RBFOX3: variants seen among roughly 807,000 people sequenced by gnomAD.
The protein encoded by RBFOX3 is RNA binding protein fox-1 homolog 3.
A neutral mutation model predicts 48.7 loss-of-function variants in RBFOX3; 17 were observed. The ratio of observed to expected loss-of-function variants is 0.35; its 90% CI spans 0.24 to 0.52. RBFOX3 has a LOEUF of 0.52. Among genes scored for constraint, RBFOX3 ranks in the 20% least tolerant of loss-of-function variants. RBFOX3 has a pLI of 0.94. For missense variants in RBFOX3, 382 were observed against 497.5 expected (o/e 0.77, Z 2.21); for synonymous variants, 212 against 209.5 (o/e 1.01, Z -0.10).
chr17:79,358,183 A>G lies in RBFOX3; in HGVS notation c.-174-50359T>C, dbSNP rs550377436. On this transcript the variant is annotated intron_variant, in intron 2 of 14. Transcript: ENST00000693108. ...CTGGTCTCAAACACCTGGATTCAAGAGATCCTCCTGCCTTGGCCTCCCAAA... is the reference window on the plus strand; with the variant it reads ...CTGGTCTCAAACACCTGGATTCAAGGGATCCTCCTGCCTTGGCCTCCCAAA... Among the ~76,000 whole-genome samples the G allele has an allele frequency of 1.1e-4, 17 of 152,130 alleles. No individual in the cohort carries two copies. The South Asian group carries it at 2.3e-3, about 20-fold the overall frequency.
chr17:79,341,130 C>G (rs945764815), intron 2 of RBFOX3, among the ~76,000 whole-genome samples: 1 of 152,154 alleles, frequency 6.6e-6, no homozygotes, highest in Admixed American at 6.5e-5. Flanking sequence ...GACATGCACA[C>G]GGGAAGGCAG....
At chr17:79,485,740 G>C (rs35807761) in intron 1 of RBFOX3, among the ~76,000 whole-genome samples, 1 of 152,106 alleles carries the variant, frequency 6.6e-6, no homozygotes, top group Non-Finnish European at 1.5e-5. Context: ...CGCCGAGTCC[G>C]GAGGGCAGGG....
intron 4 of RBFOX3, among the ~76,000 whole-genome samples, chr17:79,192,617 T>C (rs2054740382): frequency 6.6e-6 from 1 of 152,126 alleles, no homozygotes; most frequent in African/African-American, 2.4e-5. Flanking sequence ...TGTCCATGGC[T>C]GAAACCCTCC....
chr17:79,512,729 G>A (rs1271459826), intron 1 of RBFOX3, among the ~76,000 whole-genome samples: 12 of 95,230 alleles, frequency 1.3e-4, no homozygotes, highest in African/African-American at 2.8e-4. Flanking sequence ...ACCCGGATAC[G>A]TGTTACCATC....
rs2061467036 is a variant in RBFOX3, at chr17:79,392,337, G to A, written c.-174-84513C>T. Among the ~76,000 whole-genome samples, 2 of 152,226 alleles carry A rather than the reference G, an allele frequency of 1.3e-5. No homozygotes were observed. The highest frequency in any genetic ancestry group is 1.3e-4 in the Admixed American group (2 of 15,288). ...TCCAGCCCTGCCACTTACTAGCTGT[G>A]TGATCCTGGGCACGTGATTTCACCG... On this transcript the variant is annotated intron_variant, in intron 2 of 14. Coordinates refer to ENST00000693108, the MANE Select transcript of RBFOX3 (RefSeq NM_001350451.2). The surrounding 1 kb of genome is among the most constrained non-coding windows in gnomAD (Gnocchi z 5.0).
rs1723271197 is a variant in RBFOX3 at position 79,482,416 on chromosome 17, C to T, written c.-175+38G>A. 1 of 152,172 alleles carries T rather than the reference C, an allele frequency of 6.6e-6. No homozygotes were observed. Among genetic ancestry groups the T allele is most frequent in the African/African-American group, 2.4e-5 (1 of 41,410 alleles). The allele number at this position is 152,172 out of a possible 1,614,324, so 9.4% of individuals were successfully genotyped here. Reference sequence around the variant, plus strand: ...CGTATTTCCTCCACAAATGCAAACTCTGGGGATGGGCATGGCGGACAGGTG... The same window carrying T: ...CGTATTTCCTCCACAAATGCAAACTTTGGGGATGGGCATGGCGGACAGGTG... On this transcript the variant is annotated intron_variant, in intron 2 of 14. Coordinates refer to ENST00000693108, the MANE Select transcript of RBFOX3 (RefSeq NM_001350451.2). This position sits in a 1 kb window ranked among gnomAD's most constrained non-coding sequence, Gnocchi z 4.1.
At chr17:79,551,481 G>A (rs1373470073) in intron 1 of RBFOX3, among the ~76,000 whole-genome samples, 3 of 146,650 alleles carry the variant, frequency 2.0e-5, no homozygotes, top group Non-Finnish European at 4.5e-5. Context: ...AAAGATGGGT[G>A]GATGGACGGG....
the RBFOX3 span, among the ~76,000 whole-genome samples, chr17:79,655,134 T>C: frequency 6.6e-6 from 1 of 152,156 alleles, no homozygotes. Context: ...GTCAGTCCAC[T>C]CTGCTGAGTG....
chr17:79,504,053 G>A (rs2082742566), intron 1 of RBFOX3, among the ~76,000 whole-genome samples: 2 of 133,998 alleles, frequency 1.5e-5, no homozygotes, highest in Non-Finnish European at 3.3e-5. Flanking sequence ...CCAGGTGGCA[G>A]GGTGCTCACC....
the RBFOX3 span, among the ~76,000 whole-genome samples, chr17:79,660,938 A>G: frequency 6.6e-6 from 1 of 152,366 alleles, no homozygotes; most frequent in East Asian, 1.9e-4. Context: ...ACCATGGAAT[A>G]TTATGCAGCC....
intron 5 of RBFOX3, among the ~76,000 whole-genome samples, chr17:79,114,125 CAGA>C (rs760957297): frequency 1.2e-4 from 18 of 152,178 alleles, no homozygotes; most frequent in Non-Finnish European, 2.1e-4. Context: ...TGGAGTCAGT[CAGA>C]AGGAGACCCA....
chr17:79,579,145 G>A (rs1195477676), intron 1 of RBFOX3, among the ~76,000 whole-genome samples: 2 of 152,178 alleles, frequency 1.3e-5, no homozygotes, highest in African/African-American at 4.8e-5. Context: ...TTGCCTAATT[G>A]TTCTCCATGC....
chr17:79,378,295 G>A (rs1344266829), intron 2 of RBFOX3, among the ~76,000 whole-genome samples: 2 of 152,178 alleles, frequency 1.3e-5, no homozygotes, highest in African/African-American at 2.4e-5. Context: ...TCCAAGAGGG[G>A]CTCAGAGAAA....
At chr17:79,637,625 G>A in the RBFOX3 span, among the ~76,000 whole-genome samples, 1 of 150,208 alleles carries the variant, frequency 6.7e-6, no homozygotes, top group Non-Finnish European at 1.5e-5. Flanking sequence ...AACCCAGGAG[G>A]TGGAGGTTGC....
At chr17:79,354,970 C>T (rs1036680374) in intron 2 of RBFOX3, among the ~76,000 whole-genome samples, 1 of 152,174 alleles carries the variant, frequency 6.6e-6, no homozygotes. Context: ...GGCTCCCTTC[C>T]CTGGCTGTGG....
At chr17:79,540,567 C>T (rs1210039006) in intron 1 of RBFOX3, among the ~76,000 whole-genome samples, 3 of 152,232 alleles carry the variant, frequency 2.0e-5, no homozygotes, top group African/African-American at 7.2e-5. Context: ...TTCTCTCCTC[C>T]CACGCAATGC....
At chr17:79,134,851 C>T (rs2039802122) in intron 4 of RBFOX3, among the ~76,000 whole-genome samples, 1 of 152,196 alleles carries the variant, frequency 6.6e-6, no homozygotes, top group South Asian at 2.1e-4. Context: ...GCTGGTGGGC[C>T]TGGAAGAGGG....
rs1279673442 is a variant in RBFOX3, at chr17:79,421,015, T to C, written c.-175+61439A>G. On this transcript the variant is annotated intron_variant, in intron 2 of 14. Coordinates refer to ENST00000693108, the MANE Select transcript of RBFOX3 (RefSeq NM_001350451.2). This position sits in a 1 kb window ranked among gnomAD's most constrained non-coding sequence, Gnocchi z 4.5. ...CAGGGGCTTCCCTGCTGAGTGAGCC[T>C]CCCCTGGTGGGTTGAGGGGCTTCCC... 6.6e-6 allele frequency among the ~76,000 whole-genome samples: 1 copy of C among 151,752 alleles called. No homozygotes were observed. The highest frequency in any genetic ancestry group is 2.4e-5 in the African/African-American group (1 of 41,334).
At chr17:79,277,846 C>T (rs1046742346) in intron 3 of RBFOX3, among the ~76,000 whole-genome samples, 1 of 152,228 alleles carries the variant, frequency 6.6e-6, no homozygotes, top group Non-Finnish European at 1.5e-5. Context: ...ATCCCCTTAG[C>T]CCCCTGCAGT....
Sources: allele counts gnomAD v4.1 joint callset (sites outside exome capture counted in the v4.1 genomes callset), GRCh38; gene constraint gnomAD v4.1.1; non-coding constraint Gnocchi (gnomAD v3.1); transcripts MANE v1.5; gene names NCBI Gene and HGNC (gene_info 2026-07-23, HGNC 2026-07-21).